Variants in ZNF804B observed in about 807,000 individuals in gnomAD.
The protein encoded by ZNF804B is zinc finger protein 804B.
A neutral mutation model predicts 101.4 loss-of-function variants in ZNF804B; 80 were observed. That is an observed-to-expected ratio of 0.79 (90% confidence interval 0.66 to 0.95). The LOEUF (loss-of-function observed/expected upper bound fraction) is 0.95. Among genes scored for constraint, ZNF804B ranks in the 40% least tolerant of loss-of-function variants. The probability of loss-of-function intolerance (pLI) is 0.00; values close to 1 mark genes in which losing one functional copy is unlikely to be tolerated. For missense variants in ZNF804B, 1,673 were observed against 1,561.9 expected, an observed-to-expected ratio of 1.07 and a Z score of -1.20; for synonymous variants, 622 against 558.8, an observed-to-expected ratio of 1.11 and a Z score of -1.59.
intron 1 of ZNF804B, among the ~76,000 whole-genome samples, chr7:88,784,584 T>C (rs1449050069): frequency 6.6e-6 from 1 of 152,022 alleles, no homozygotes; most frequent in Non-Finnish European, 1.5e-5. Flanking sequence ...ATCCTAAAAG[T>C]GACCTTTATA....
intron 1 of ZNF804B, among the ~76,000 whole-genome samples, chr7:89,071,196 AG>A (rs1217892075): frequency 6.6e-6 from 1 of 151,974 alleles, no homozygotes; most frequent in Non-Finnish European, 1.5e-5. Context: ...CCTTTTTCTG[AG>A]TGTTTTTGAT....
intron 1 of ZNF804B, among the ~76,000 whole-genome samples, chr7:88,923,699 C>T (rs1274863749): frequency 1.3e-5 from 2 of 151,736 alleles, no homozygotes; most frequent in African/African-American, 2.4e-5. Context: ...CTCATTTTTC[C>T]TGAGGTAATA....
chr7:89,000,068 A>G (rs1049332624), intron 1 of ZNF804B, among the ~76,000 whole-genome samples: 3 of 151,968 alleles, frequency 2.0e-5, no homozygotes, highest in East Asian at 1.9e-4. Flanking sequence ...GACTCTTGGC[A>G]TGACATAGAC....
intron 1 of ZNF804B, among the ~76,000 whole-genome samples, chr7:88,902,671 T>G (rs1792409917): frequency 6.6e-6 from 1 of 152,078 alleles, no homozygotes; most frequent in Non-Finnish European, 1.5e-5. Flanking sequence ...TGTAATTTCC[T>G]AACTCTTTCT....
At chr7:88,931,373 T>A (rs1237669429) in intron 1 of ZNF804B, among the ~76,000 whole-genome samples, 1 of 151,908 alleles carries the variant, frequency 6.6e-6, no homozygotes, top group Admixed American at 6.6e-5. Flanking sequence ...TTGCTGTTAT[T>A]GTTCTCTGAA....
rs778534703 is a variant in ZNF804B at position 89,336,603 on chromosome 7, C to T, written c.3621C>T (p.Thr1207=). The T allele has an allele frequency of 1.2e-6, 2 of 1,614,118 alleles. No individual in the cohort carries two copies. Among genetic ancestry groups the T allele is most frequent in the South Asian group, 1.1e-5 (1 of 91,080 alleles). ...CAGTTCACCAGCACACTTCTATCACCACCATCCACCACACGTTCCTGCAGC... is the reference window on the plus strand; with the variant it reads ...CAGTTCACCAGCACACTTCTATCACTACCATCCACCACACGTTCCTGCAGC... ...TVPVHQHTSI[T]TIHHTFLQHF... The change falls in exon 4 of 4, where the codon ACC becomes ACT. Residue 1207 remains threonine (T), a synonymous_variant. Transcript: ENST00000333190.
intron 1 of ZNF804B, among the ~76,000 whole-genome samples, chr7:88,865,775 G>A (rs556402050): frequency 1.1e-4 from 16 of 152,136 alleles, no homozygotes; most frequent in African/African-American, 2.4e-4. Flanking sequence ...TGTCATCTGC[G>A]CCTAGAGTGA....
At chr7:89,326,925 A>G (rs1179207671) in intron 2 of ZNF804B, among the ~76,000 whole-genome samples, 1 of 148,718 alleles carries the variant, frequency 6.7e-6, no homozygotes, top group Admixed American at 6.6e-5. Flanking sequence ...AAACAAGCTT[A>G]TTCCACCCAG....
In ZNF804B at chr7:89,289,200, A is replaced by G. The variant is rs1790250613; in HGVS notation, c.250-38144A>G. On this transcript the variant is annotated intron_variant, in intron 2 of 3. Transcript: ENST00000333190. The stretch of plus-strand genomic sequence containing the variant: ...ACAAAACAGGTAGAAGAAATTTTAA[A>G]TATTAGCAAAGTAGTAGCCATAAAC... Among the ~76,000 whole-genome samples, 2 of 152,186 alleles carry G rather than the reference A, an allele frequency of 1.3e-5. 1 individual carries two copies. The highest frequency in any genetic ancestry group is 4.1e-4 in the South Asian group (2 of 4,836).
At chr7:89,144,474 G>T (rs926700459) in intron 1 of ZNF804B, among the ~76,000 whole-genome samples, 1 of 151,878 alleles carries the variant, frequency 6.6e-6, no homozygotes, top group Admixed American at 6.6e-5. Flanking sequence ...AATGATCTTA[G>T]CTATATAGAG....
intron 1 of ZNF804B, among the ~76,000 whole-genome samples, chr7:89,213,941 A>G (rs889799269): frequency 2.6e-5 from 4 of 152,236 alleles, no homozygotes; most frequent in African/African-American, 7.2e-5. Flanking sequence ...AATAATTACA[A>G]TAATAGTAAC....
At chr7:89,114,933 T>A (rs1790285218) in intron 1 of ZNF804B, among the ~76,000 whole-genome samples, 1 of 152,158 alleles carries the variant, frequency 6.6e-6, no homozygotes. Flanking sequence ...TATTAAACAT[T>A]TAGCTTTACA....
chr7:89,022,093 G>A (rs1222383921), intron 1 of ZNF804B, among the ~76,000 whole-genome samples: 2 of 151,980 alleles, frequency 1.3e-5, no homozygotes, highest in African/African-American at 4.8e-5. Context: ...TTGACTTCAG[G>A]TTGATCTCAT....
chr7:88,875,658 G>A (rs1791921591), intron 1 of ZNF804B, among the ~76,000 whole-genome samples: 2 of 151,882 alleles, frequency 1.3e-5, no homozygotes. Context: ...TGAAATTGTG[G>A]CAATAATCAA....
chr7:88,923,042 C>G (rs77091053), intron 1 of ZNF804B, among the ~76,000 whole-genome samples: 4,397 of 152,098 alleles, frequency 0.029, 88 homozygotes, highest in Admixed American at 0.045. Flanking sequence ...TTTCCAGTCT[C>G]TCCTCATTTA....
At chr7:89,007,747 C>T (rs1047674023) in intron 1 of ZNF804B, among the ~76,000 whole-genome samples, 49 of 150,116 alleles carry the variant, frequency 3.3e-4, no homozygotes, top group Non-Finnish European at 8.9e-5. Flanking sequence ...ACTCATGAAA[C>T]TATAAGGTGA....
intron 2 of ZNF804B, among the ~76,000 whole-genome samples, chr7:89,296,226 T>C (rs1191512235): frequency 1.3e-5 from 2 of 152,064 alleles, no homozygotes; most frequent in Non-Finnish European, 2.9e-5. Flanking sequence ...CCTTGTTAAA[T>C]AAATCAGTTA....
chr7:89,232,316 A>G (rs879318987), intron 2 of ZNF804B, among the ~76,000 whole-genome samples: 2 of 152,140 alleles, frequency 1.3e-5, no homozygotes, highest in Non-Finnish European at 2.9e-5. Context: ...TATAATTTAT[A>G]GGATTTAAAA....
chr7:89,284,015 T>G (rs1790139215), intron 2 of ZNF804B, among the ~76,000 whole-genome samples: 1 of 152,172 alleles, frequency 6.6e-6, no homozygotes, highest in Non-Finnish European at 1.5e-5. Flanking sequence ...CCATAAAATA[T>G]ACACAAATCT....
Sources: gnomAD v4.1 joint callset for allele counts (sites outside exome capture counted in the v4.1 genomes callset) on GRCh38, gnomAD v4.1.1 for gene constraint, MANE v1.5 for transcripts, NCBI Gene and HGNC (gene_info 2026-07-23, HGNC 2026-07-21) for gene names.